GABRB1: variants seen among roughly 807,000 people sequenced by gnomAD.
The protein encoded by GABRB1 is gamma-aminobutyric acid type A receptor subunit beta1.
GABRB1 carries 17 observed loss-of-function variants against 51.6 expected under a neutral mutation model. The observed-to-expected ratio is 0.33, with a 90% CI of 0.23 to 0.49. The LOEUF (loss-of-function observed/expected upper bound fraction) is 0.49. Ranked by LOEUF, GABRB1 falls within the 20% of genes least tolerant of loss-of-function variation. The pLI is 0.99. For missense variants in GABRB1, 410 were observed against 600.6 expected, an observed-to-expected ratio of 0.68 and a Z score of 3.32; for synonymous variants, 247 against 218.9, an observed-to-expected ratio of 1.13 and a Z score of -1.14.
intron 4 of GABRB1, among the ~76,000 whole-genome samples, chr4:47,200,719 A>G (rs1490644604): frequency 6.6e-6 from 1 of 152,180 alleles, no homozygotes; most frequent in African/African-American, 2.4e-5. Context: ...AGTTGTTCGA[A>G]TATGTGCTGC....
chr4:47,118,448 T>C (rs1398519756), intron 3 of GABRB1, among the ~76,000 whole-genome samples: 2 of 152,144 alleles, frequency 1.3e-5, no homozygotes, highest in Non-Finnish European at 2.9e-5. Flanking sequence ...TTTAATGTTA[T>C]TTTTATCACT....
intron 3 of GABRB1, among the ~76,000 whole-genome samples, chr4:47,070,773 C>A (rs965219356): frequency 6.6e-6 from 1 of 151,978 alleles, no homozygotes; most frequent in Non-Finnish European, 1.5e-5. Context: ...TGAGCTATCC[C>A]AGGTTTCATT....
chr4:47,085,754 T>A (rs1728029892), intron 3 of GABRB1, among the ~76,000 whole-genome samples: 1 of 152,224 alleles, frequency 6.6e-6, no homozygotes, highest in Admixed American at 6.5e-5. Context: ...GTCACTCATA[T>A]GGCTGCATTC....
intron 4 of GABRB1, among the ~76,000 whole-genome samples, chr4:47,260,817 C>A (rs527312549): frequency 0.023 from 3,471 of 152,044 alleles, 54 homozygotes; most frequent in Non-Finnish European, 0.035. Flanking sequence ...ACTGGCAAAC[C>A]GAATCCAGCA....
intron 3 of GABRB1, among the ~76,000 whole-genome samples, chr4:47,086,704 TC>T (rs1560527594): frequency 1.3e-5 from 2 of 152,188 alleles, no homozygotes; most frequent in Admixed American, 6.5e-5. Flanking sequence ...CACTCTTATT[TC>T]ATTGGCTCAC....
At chr4:47,018,020 CTTCT>C (rs1447694751) in intron 1 of GABRB1, among the ~76,000 whole-genome samples, 1 of 151,670 alleles carries the variant, frequency 6.6e-6, no homozygotes, top group Non-Finnish European at 1.5e-5. Context: ...TTCTTTTCTT[CTTCT>C]TTCTTCTTCT....
chr4:47,034,264 G>GT (rs541502017), intron 3 of GABRB1, among the ~76,000 whole-genome samples: 9 of 151,816 alleles, frequency 5.9e-5, no homozygotes, highest in East Asian at 3.9e-4. Context: ...CCCCTTTTCA[G>GT]TTTTTTTTAA....
At chr4:47,127,801 T>C (rs1253147892) in intron 3 of GABRB1, among the ~76,000 whole-genome samples, 1 of 151,850 alleles carries the variant, frequency 6.6e-6, no homozygotes, top group Non-Finnish European at 1.5e-5. Context: ...TAATGCCTCC[T>C]ACTGTGATAA....
intron 4 of GABRB1, among the ~76,000 whole-genome samples, chr4:47,316,829 T>G (rs981864302): frequency 6.6e-6 from 1 of 151,922 alleles, no homozygotes; most frequent in African/African-American, 2.4e-5. Context: ...ACTTCACTAT[T>G]TATAAGGATT....
At chr4:47,041,018 G>A (rs890162317) in intron 3 of GABRB1, among the ~76,000 whole-genome samples, 1 of 152,136 alleles carries the variant, frequency 6.6e-6, no homozygotes, top group Admixed American at 6.5e-5. Context: ...CTTCTCCACT[G>A]TATCGCTAAA....
At chr4:47,401,867 CATCT>C (rs756782886) in intron 5 of GABRB1, among the ~76,000 whole-genome samples, 26 of 135,930 alleles carry the variant, frequency 1.9e-4, no homozygotes, top group Admixed American at 1.1e-3. Context: ...ATCTATCTAT[CATCT>C]ATCTATCTAT....
chr4:47,156,684 T>G (rs1379724526), intron 3 of GABRB1, among the ~76,000 whole-genome samples: 1 of 151,972 alleles, frequency 6.6e-6, no homozygotes, highest in East Asian at 1.9e-4. Context: ...TATGTTGTTT[T>G]GGGGACAGGC....
intron 3 of GABRB1, among the ~76,000 whole-genome samples, chr4:47,078,932 A>G (rs923522400): frequency 6.6e-6 from 1 of 152,194 alleles, no homozygotes; most frequent in Non-Finnish European, 1.5e-5. Context: ...TCAATAAAGA[A>G]GTAGGGTCAT....
At chr4:47,275,273 G>C (rs1010481220) in intron 4 of GABRB1, among the ~76,000 whole-genome samples, 1 of 152,170 alleles carries the variant, frequency 6.6e-6, no homozygotes, top group African/African-American at 2.4e-5. Flanking sequence ...TAGGGCAAAT[G>C]TGGGGCTTAA....
chr4:47,225,557 G>A (rs1720914629), intron 4 of GABRB1, among the ~76,000 whole-genome samples: 2 of 152,198 alleles, frequency 1.3e-5, no homozygotes, highest in South Asian at 2.1e-4. Context: ...AGAATGGCTA[G>A]GAAGGTAAGT....
intron 5 of GABRB1, among the ~76,000 whole-genome samples, chr4:47,338,358 A>C (rs1343982084): frequency 6.6e-6 from 1 of 152,196 alleles, no homozygotes; most frequent in Admixed American, 6.6e-5. Context: ...ACTACATCCT[A>C]GTCCGTCAAA....
At chr4:47,078,426 C>T (rs1476205660) in intron 3 of GABRB1, among the ~76,000 whole-genome samples, 1 of 152,138 alleles carries the variant, frequency 6.6e-6, no homozygotes. Flanking sequence ...AATGTCACCT[C>T]CACACCATAA....
intron 4 of GABRB1, among the ~76,000 whole-genome samples, chr4:47,259,482 G>A (rs922461471): frequency 6.6e-6 from 1 of 152,068 alleles, no homozygotes; most frequent in East Asian, 1.9e-4. Flanking sequence ...AGTGTTCAGT[G>A]TTCTAAATTT....
chr4:47,215,594 A>G (rs1302871793), intron 4 of GABRB1, among the ~76,000 whole-genome samples: 1 of 152,106 alleles, frequency 6.6e-6, no homozygotes, highest in Non-Finnish European at 1.5e-5. Flanking sequence ...TCAATGTACT[A>G]TAAGATATTG....
Sources: gnomAD v4.1 joint callset for allele counts (sites outside exome capture counted in the v4.1 genomes callset) on GRCh38, gnomAD v4.1.1 for gene constraint, MANE v1.5 for transcripts, NCBI Gene and HGNC (gene_info 2026-07-23, HGNC 2026-07-21) for gene names.